SLITRK2: variants seen among roughly 807,000 people sequenced by gnomAD.
The protein encoded by SLITRK2 is SLIT and NTRK-like protein 2.
In SLITRK2, 13 loss-of-function variants were observed where a neutral mutation model predicts 35.4. The ratio of observed to expected loss-of-function variants is 0.37; its 90% CI spans 0.24 to 0.58. The LOEUF is 0.58. SLITRK2 is among the 20% of genes least tolerant of loss of function. The probability of loss-of-function intolerance (pLI) is 0.75; values close to 1 mark genes in which losing one functional copy is unlikely to be tolerated. For missense variants in SLITRK2, 471 were observed against 634.3 expected, an observed-to-expected ratio of 0.74 and a Z score of 2.76; for synonymous variants, 294 against 264.7, an observed-to-expected ratio of 1.11 and a Z score of -1.07.
In SLITRK2 at chrX:145,826,361, C is replaced by T. The variant is rs782542561; in HGVS notation, c.*1398C>T. 42 of 112,052 alleles carry T rather than the reference C, an allele frequency of 3.7e-4. No homozygotes were observed. Among genetic ancestry groups the T allele is most frequent in the Admixed American group, 2.0e-3 (21 of 10,582 alleles). The allele number at this position is 112,052 out of a possible 1,213,427, so 9.2% of individuals were successfully genotyped here. A position where few individuals can be genotyped will look rare whatever the true frequency, so the allele number is the denominator to read the frequency against. Reference sequence around the variant, plus strand: ...TCAAGTACTATTTGCGTCTCCAAATCGATTAATAGTTACCTAAACCAAGAC... The same window carrying T: ...TCAAGTACTATTTGCGTCTCCAAATTGATTAATAGTTACCTAAACCAAGAC... On this transcript the variant is annotated 3_prime_UTR_variant, in exon 5 of 5. Coordinates refer to ENST00000335565, the MANE Select transcript of SLITRK2 (RefSeq NM_032539.5).
chrX:145,826,341 T>G lies in SLITRK2; in HGVS notation c.*1378T>G. 8.9e-6 allele frequency: 1 copy of G among 112,260 alleles called. No individual in the cohort carries two copies. Among genetic ancestry groups the G allele is most frequent in the South Asian group, 3.7e-4 (1 of 2,707 alleles). 9.3% of individuals were successfully genotyped at this position (112,260 alleles called of 1,213,427 possible). ...ATTAATGGGGTGCTATCAAATCAAG[T>G]ACTATTTGCGTCTCCAAATCGATTA... On this transcript the variant is annotated 3_prime_UTR_variant, in exon 5 of 5. Coordinates refer to ENST00000335565, the MANE Select transcript of SLITRK2 (RefSeq NM_032539.5).
rs782076583 is a variant in SLITRK2, at chrX:145,827,707, A to G, written c.*2744A>G. 3 of 1,148,101 alleles carry G rather than the reference A, an allele frequency of 2.6e-6. No individual in the cohort carries two copies. Among genetic ancestry groups the G allele is most frequent in the African/African-American group, 1.8e-5 (1 of 55,632 alleles). 94.6% of individuals were successfully genotyped at this position (1,148,101 alleles called of 1,213,427 possible). ...ATTCCAGACTATTTTATTTAAAATC[A>G]TCATACATCATATACTTTGAACCTT... On this transcript the variant is annotated 3_prime_UTR_variant, in exon 5 of 5. Transcript: ENST00000335565.
chrX:145,820,078 TG>T (rs781884740), intron 1 of SLITRK2: 28 of 111,882 alleles, frequency 2.5e-4, no homozygotes, highest in African/African-American at 8.8e-4. Context: ...TGTTCTCAAG[TG>T]GTTTGTTGTA....
chrX:145,819,045 C>T (rs1416500894), intron 1 of SLITRK2: 1 of 111,390 alleles, frequency 9.0e-6, no homozygotes, highest in African/African-American at 3.3e-5. Flanking sequence ...AGTGTCGCTT[C>T]CCACAGTTAG....
At position 145,829,695 on chromosome X, in the gene SLITRK2, T is replaced by A. The variant is rs895470816; in HGVS notation, c.*4732T>A. The A allele has an allele frequency of 8.1e-6, 1 of 123,802 alleles. No homozygotes were observed. Among genetic ancestry groups the A allele is most frequent in the African/African-American group, 3.2e-5 (1 of 30,940 alleles). 10.2% of individuals were successfully genotyped at this position (123,802 alleles called of 1,213,427 possible). On this transcript the variant is annotated 3_prime_UTR_variant, in exon 5 of 5. Transcript: ENST00000335565. ...TTATTATGTAAACGAATTGCATGCA[T>A]GTTGAAATTTTTTAGCAGTACTTTA... is the stretch of plus-strand genomic sequence containing the variant.
rs1486803737 is a variant in SLITRK2, at chrX:145,828,092, A to G, written c.*3129A>G. 7.8e-6 allele frequency: 7 copies of G among 900,108 alleles called. No individual in the cohort carries two copies. Among genetic ancestry groups the G allele is most frequent in the Non-Finnish European group, 9.1e-6 (6 of 662,463 alleles). The allele number at this position is 900,108 out of a possible 1,213,427, so 74.2% of individuals were successfully genotyped here. A position where few individuals can be genotyped will look rare whatever the true frequency, so the allele number is the denominator to read the frequency against. The stretch of plus-strand genomic sequence containing the variant: ...CGAATATACCTGTGGCTAAGTTTTT[A>G]TTGAAACACTCAAAAATACCACTTC... On this transcript the variant is annotated 3_prime_UTR_variant, in exon 5 of 5. Transcript: ENST00000335565.
chrX:145,827,750 A>C lies in SLITRK2; in HGVS notation c.*2787A>C. 8.3e-7 allele frequency: 1 copy of C among 1,206,367 alleles called. No homozygotes were observed. Among genetic ancestry groups the C allele is most frequent in the African/African-American group, 1.7e-5 (1 of 57,780 alleles). ...TGAACCTTTATTTTCTAATGCAATC[A>C]TAAACATTTTAAGTTTTATTAACTC... is the stretch of plus-strand genomic sequence containing the variant. On this transcript the variant is annotated 3_prime_UTR_variant, in exon 5 of 5. Coordinates refer to ENST00000335565, the MANE Select transcript of SLITRK2 (RefSeq NM_032539.5).
chrX:145,818,473 G>C (rs1473077558), intron 1 of SLITRK2: 2 of 113,314 alleles, frequency 1.8e-5, no homozygotes, highest in East Asian at 5.7e-4. Flanking sequence ...CCGGCGATCG[G>C]GGACGCTCGG....
intron 1 of SLITRK2, chrX:145,819,505 C>T (rs146748625): frequency 8.9e-6 from 1 of 112,195 alleles, no homozygotes; most frequent in Non-Finnish European, 1.9e-5. Flanking sequence ...TTGTTCGGCT[C>T]TCACGTCTTT....
intron 2 of SLITRK2, chrX:145,820,756 G>A (rs1044376083): frequency 9.0e-6 from 1 of 111,419 alleles, no homozygotes; most frequent in African/African-American, 3.3e-5. Flanking sequence ...AGAAGTGCAC[G>A]TTTAAACCTC....
In SLITRK2 at chrX:145,823,168, G is replaced by C. The variant is rs2124167091; in HGVS notation, c.743G>C (p.Arg248Thr). 8.3e-7 allele frequency: 1 copy of C among 1,211,242 alleles called. No individual in the cohort carries two copies. The highest frequency in any genetic ancestry group is 2.2e-5 in the Admixed American group (1 of 45,966). Residue 248 changes from arginine (R) to threonine (T), a missense_variant, in exon 5 of 5, where the codon AGG becomes ACG. Physicochemically the swap from Arg to Thr is moderately conservative, Grantham distance 71. Transcript: ENST00000335565. The stretch of plus-strand genomic sequence containing the variant: ...GAGATTGTCTGTGAGACTCCCTTTA[G>C]GTTGCATGGGAAAGACGTGACCCAG... ...VGEIVCETPF[R>T]LHGKDVTQLT...
In SLITRK2 at chrX:145,823,550, C is replaced by T. The variant is rs2124177882; in HGVS notation, c.1125C>T (p.Thr375=). The change falls in exon 5 of 5, where the codon ACC becomes ACT. Residue 375 remains threonine, a synonymous_variant. Coordinates refer to ENST00000335565, the MANE Select transcript of SLITRK2 (RefSeq NM_032539.5). ...TNISDLQPKP[T]SPKKLYLTGN... ...TCTCTGACCTGCAGCCCAAACCGAC[C>T]AGTCCAAAGAAACTCTACCTAACAG... 1.7e-6 allele frequency: 2 copies of T among 1,211,508 alleles called. No homozygotes were observed. The highest frequency in any genetic ancestry group is 2.2e-6 in the Non-Finnish European group (2 of 895,177).
chrX:145,824,729 C>A lies in SLITRK2; in HGVS notation c.2304C>A (p.Ser768Arg), dbSNP rs782444429. 86 of 1,209,369 alleles carry A rather than the reference C, an allele frequency of 7.1e-5. No individual in the cohort carries two copies. The highest frequency in any genetic ancestry group is 9.4e-5 in the Non-Finnish European group (84 of 895,135). Residue 768 changes from serine (S) to arginine (R), a missense_variant, in exon 5 of 5, where the codon AGC becomes AGA. Coordinates refer to ENST00000335565, the MANE Select transcript of SLITRK2 (RefSeq NM_032539.5). ...NIAERVKELP[S>R]AGLVHYNFCT... Reference sequence around the variant, plus strand: ...CTGAGCGAGTCAAGGAACTTCCCAGCGCAGGCCTAGTCCACTATAACTTTT... The same window carrying A: ...CTGAGCGAGTCAAGGAACTTCCCAGAGCAGGCCTAGTCCACTATAACTTTT...
rs1314322293 is a variant in SLITRK2 at position 145,822,450 on chromosome X, A to C, written c.25A>C (p.Ser9Arg). 8.3e-7 allele frequency: 1 copy of C among 1,206,547 alleles called. No homozygotes were observed. The highest frequency in any genetic ancestry group is 2.2e-5 in the Admixed American group (1 of 45,437). The stretch of plus-strand genomic sequence containing the variant: ...GATGCTGAGCGGCGTTTGGTTCCTC[A>C]GTGTGTTAACCGTGGCCGGGATCTT... MLSGVWFL[S>R]VLTVAGILQT... The change falls in exon 5 of 5, where the codon AGT (serine) becomes CGT (arginine). Residue 9 changes from serine (S) to arginine (R), a missense_variant. Around this residue, in one of 7 missense-constraint regions of SLITRK2, gnomAD observed 98 missense variants for 120.6 expected, o/e 0.81. Coordinates refer to ENST00000335565, the MANE Select transcript of SLITRK2 (RefSeq NM_032539.5).
Position 145,824,990 on chromosome X carries a change from A to G in SLITRK2, c.*27A>G. 8.4e-7 allele frequency: 1 copy of G among 1,183,487 alleles called. No individual in the cohort carries two copies. The highest frequency in any genetic ancestry group is 1.1e-6 in the Non-Finnish European group (1 of 882,100). On this transcript the variant is annotated 3_prime_UTR_variant, in exon 5 of 5. Transcript: ENST00000335565. ...GGGAAATCATTTACAACCCTAAGGC[A>G]TCAGAGGATGCTGCTCCGAACTGTT...
chrX:145,820,123 C>T (rs1039464042), intron 1 of SLITRK2: 1 of 112,059 alleles, frequency 8.9e-6, no homozygotes, highest in South Asian at 3.8e-4. Flanking sequence ...TTTGGCCAGG[C>T]AGTGGGACTC....
Position 145,824,325 on chromosome X carries a change from T to A in SLITRK2, c.1900T>A (p.Cys634Ser). The A allele has an allele frequency of 8.3e-7, 1 of 1,211,707 alleles. No individual in the cohort carries two copies. Among genetic ancestry groups the A allele is most frequent in the Non-Finnish European group, 1.1e-6 (1 of 895,517 alleles). Residue 634 changes from cysteine to serine, a missense_variant, in exon 5 of 5, where the codon TGT (cysteine) becomes AGT (serine). This residue lies in a region of SLITRK2 where 190 missense variants were observed against 199.3 expected (regional missense o/e 0.95). Coordinates refer to ENST00000335565, the MANE Select transcript of SLITRK2 (RefSeq NM_032539.5). The part of the protein sequence containing the change: ...GLLVVFILSV[C>S]FGAGLFVFVL... The stretch of plus-strand genomic sequence containing the variant: ...GCTTGTTGTTTTCATCTTATCTGTC[T>A]GTTTTGGGGCTGGTTTATTCGTCTT...
At position 145,826,955 on chromosome X, in the gene SLITRK2, G is replaced by T. The variant is rs1373918627; in HGVS notation, c.*1992G>T. The stretch of plus-strand genomic sequence containing the variant: ...TTTGTAAAAACAATAGAAGGTAATT[G>T]TGTGTATATAATAACGTAAAGGGCA... On this transcript the variant is annotated 3_prime_UTR_variant, in exon 5 of 5. Transcript: ENST00000335565. The T allele has an allele frequency of 2.7e-5, 3 of 112,095 alleles. No individual in the cohort carries two copies. Among genetic ancestry groups the T allele is most frequent in the Non-Finnish European group, 1.9e-5 (1 of 53,151 alleles). 9.2% of individuals were successfully genotyped at this position (112,095 alleles called of 1,213,427 possible).
chrX:145,822,926 C>T lies in SLITRK2; in HGVS notation c.501C>T (p.Asp167=), dbSNP rs1556944005. ...AGCTCAAAGTGCTCATCCTGAATGA[C>T]AACCTTCTGCTTTCACTGCCCAGCA... The part of the protein sequence containing the change: ...LNKLKVLILN[D]NLLLSLPSNV... Residue 167 remains aspartate, a synonymous_variant, in exon 5 of 5, where the codon GAC becomes GAT. Transcript: ENST00000335565. The T allele has an allele frequency of 1.7e-6, 2 of 1,211,568 alleles. No individual in the cohort carries two copies. Among genetic ancestry groups the T allele is most frequent in the Admixed American group, 2.2e-5 (1 of 46,034 alleles).
Sources: gnomAD v4.1 joint callset for allele counts on GRCh38, gnomAD v4.1.1 for gene constraint, gnomAD v4.1.1 regional missense constraint, MANE v1.5 for transcripts, NCBI Gene and HGNC (gene_info 2026-07-23, HGNC 2026-07-21) for gene names.